HS6ST3: variants seen among roughly 807,000 people sequenced by gnomAD.
The protein encoded by HS6ST3 is heparan sulfate 6-O-sulfotransferase 3, also known as heparan-sulfate 6-O-sulfotransferase 3.
HS6ST3 carries 12 observed loss-of-function variants against 36.7 expected under a neutral mutation model. The observed-to-expected ratio is 0.33, with a 90% CI of 0.21 to 0.53. The LOEUF is 0.53. Ranked by LOEUF, HS6ST3 falls within the 20% of genes least tolerant of loss-of-function variation. HS6ST3 has a pLI of 0.95. For missense variants in HS6ST3, 584 were observed against 640.9 expected, an observed-to-expected ratio of 0.91 and a Z score of 0.96; for synonymous variants, 240 against 257.5, an observed-to-expected ratio of 0.93 and a Z score of 0.65.
chr13:96,427,916 A>G (rs987081771), intron 1 of HS6ST3, among the ~76,000 whole-genome samples: 14 of 152,224 alleles, frequency 9.2e-5, no homozygotes, highest in African/African-American at 3.4e-4. Context: ...GGATTATCTG[A>G]TGCCTACTCA....
rs146200510 is a variant in HS6ST3 at position 96,642,233 on chromosome 13, G to A, written c.708-190257G>A. 4.5e-3 allele frequency among the ~76,000 whole-genome samples: 682 copies of A among 151,864 alleles called. 3 individuals are homozygous for A. Among genetic ancestry groups the A allele is most frequent in the African/African-American group, 0.015 (607 of 41,468 alleles). ...TCTTCAGGCCTTCATAATTTATTAT[G>A]AGAAATCATCTGTTAATCTTATTAA... On this transcript the variant is annotated intron_variant, in intron 1 of 1. Coordinates refer to ENST00000376705, the MANE Select transcript of HS6ST3 (RefSeq NM_153456.4).
intron 1 of HS6ST3, among the ~76,000 whole-genome samples, chr13:96,744,773 A>AT (rs1338363305): frequency 6.6e-6 from 1 of 152,026 alleles, no homozygotes; most frequent in Non-Finnish European, 1.5e-5. Context: ...ATGTGACCAG[A>AT]TTTTCCCATC....
intron 1 of HS6ST3, among the ~76,000 whole-genome samples, chr13:96,676,537 C>T (rs560448969): frequency 1.3e-5 from 2 of 152,222 alleles, no homozygotes; most frequent in East Asian, 3.9e-4. Flanking sequence ...ATATGAGCCA[C>T]TTATATCAAT....
intron 1 of HS6ST3, among the ~76,000 whole-genome samples, chr13:96,111,927 A>G (rs998133668): frequency 3.3e-5 from 5 of 152,058 alleles, no homozygotes; most frequent in Non-Finnish European, 7.4e-5. Flanking sequence ...TAAATTTAAG[A>G]AAAGAAATTA....
chr13:96,264,068 G>A (rs1072563), intron 1 of HS6ST3, among the ~76,000 whole-genome samples: 89,342 of 152,080 alleles, frequency 0.59, 26,461 homozygotes, highest in Admixed American at 0.67. Flanking sequence ...CTAGGTATAT[G>A]AGAATGTTGG....
chr13:96,820,450 T>C (rs1211284416), intron 1 of HS6ST3, among the ~76,000 whole-genome samples: 1 of 152,178 alleles, frequency 6.6e-6, no homozygotes, highest in Non-Finnish European at 1.5e-5. Context: ...GCTCTAATAA[T>C]CATGGAGAAG....
intron 1 of HS6ST3, among the ~76,000 whole-genome samples, chr13:96,559,269 C>G (rs1394945278): frequency 6.6e-6 from 1 of 152,028 alleles, no homozygotes. Flanking sequence ...GACGCCCCCC[C>G]CACCACACGT....
chr13:96,781,563 A>G (rs1451494715), intron 1 of HS6ST3, among the ~76,000 whole-genome samples: 1 of 152,214 alleles, frequency 6.6e-6, no homozygotes, highest in Non-Finnish European at 1.5e-5. Context: ...TTGCTCTGGA[A>G]GTTTACTCTT....
At chr13:96,119,876 GA>G (rs34371079) in intron 1 of HS6ST3, among the ~76,000 whole-genome samples, 3,054 of 143,954 alleles carry the variant, frequency 0.021, 85 homozygotes, top group African/African-American at 0.072. Flanking sequence ...AATATAATAG[GA>G]AAAAAAAAAA....
intron 1 of HS6ST3, among the ~76,000 whole-genome samples, chr13:96,367,341 CA>C (rs2015075215): frequency 6.6e-6 from 1 of 152,110 alleles, no homozygotes; most frequent in African/African-American, 2.4e-5. Context: ...AAAGGATTTG[CA>C]TTTTAAAATA....
At position 96,534,460 on chromosome 13, in the gene HS6ST3, G is replaced by A. The variant is rs751408005; in HGVS notation, c.708-298030G>A. Among the ~76,000 whole-genome samples, 9 of 152,102 alleles carry A rather than the reference G, an allele frequency of 5.9e-5. No individual in the cohort carries two copies. In the East Asian group the frequency reaches 9.6e-4, roughly 16 times the overall value. ...TGGTGTATTTAATCCCATCCATCCC[G>A]TGTGGTTGTTAGGGGGTCTAAATGC... On this transcript the variant is annotated intron_variant, in intron 1 of 1. Coordinates refer to ENST00000376705, the MANE Select transcript of HS6ST3 (RefSeq NM_153456.4).
At chr13:96,411,670 C>G (rs932014259) in intron 1 of HS6ST3, among the ~76,000 whole-genome samples, 1 of 152,154 alleles carries the variant, frequency 6.6e-6, no homozygotes, top group Non-Finnish European at 1.5e-5. Context: ...AGCTAGAGAA[C>G]AGATTGGCCG....
At chr13:96,343,736 T>C (rs2055140998) in intron 1 of HS6ST3, among the ~76,000 whole-genome samples, 2 of 152,130 alleles carry the variant, frequency 1.3e-5, no homozygotes, top group African/African-American at 4.8e-5. Context: ...TACAGTTTTT[T>C]GTTTGTTTGT....
At chr13:96,429,402 C>A (rs1221056380) in intron 1 of HS6ST3, among the ~76,000 whole-genome samples, 1 of 152,196 alleles carries the variant, frequency 6.6e-6, no homozygotes, top group Non-Finnish European at 1.5e-5. Flanking sequence ...AGACAAAGAA[C>A]TTAGCCCTCG....
At chr13:96,555,722 A>T (rs1222230523) in intron 1 of HS6ST3, among the ~76,000 whole-genome samples, 1 of 152,144 alleles carries the variant, frequency 6.6e-6, no homozygotes, top group African/African-American at 2.4e-5. Flanking sequence ...AACTTTTGTT[A>T]TTAGAAAATC....
intron 1 of HS6ST3, among the ~76,000 whole-genome samples, chr13:96,538,935 A>G (rs2056166762): frequency 6.6e-6 from 1 of 152,176 alleles, no homozygotes; most frequent in Non-Finnish European, 1.5e-5. Flanking sequence ...CCAATTGTCT[A>G]TTGATGCTAT....
At chr13:96,397,955 A>G (rs981610816) in intron 1 of HS6ST3, among the ~76,000 whole-genome samples, 2 of 152,276 alleles carry the variant, frequency 1.3e-5, no homozygotes, top group East Asian at 3.9e-4. Flanking sequence ...TAAGCTTCCA[A>G]ACGTAGTAGA....
chr13:96,382,611 TATAAC>T (rs779268851), intron 1 of HS6ST3, among the ~76,000 whole-genome samples: 3 of 152,200 alleles, frequency 2.0e-5, no homozygotes, highest in African/African-American at 4.8e-5. Flanking sequence ...TTTGCAATAA[TATAAC>T]AAACATAATT....
At chr13:96,472,081 A>G (rs2055842713) in intron 1 of HS6ST3, among the ~76,000 whole-genome samples, 1 of 152,176 alleles carries the variant, frequency 6.6e-6, no homozygotes, top group Non-Finnish European at 1.5e-5. Flanking sequence ...TACCACCCAC[A>G]TACTATTTAA....
Sources: gnomAD v4.1 joint callset for allele counts (sites outside exome capture counted in the v4.1 genomes callset) on GRCh38, gnomAD v4.1.1 for gene constraint, MANE v1.5 for transcripts, NCBI Gene and HGNC (gene_info 2026-07-23, HGNC 2026-07-21) for gene names.